Variants in FRMD5 observed in about 807,000 individuals in gnomAD.
FRMD5 encodes FERM domain containing 5.
A neutral mutation model predicts 69.0 loss-of-function variants in FRMD5; 20 were observed. The observed-to-expected ratio is 0.29, with a 90% CI of 0.20 to 0.42. The LOEUF is 0.42. Among genes scored for constraint, FRMD5 ranks in the 10% least tolerant of loss-of-function variants. The probability of loss-of-function intolerance (pLI) is 1.00; values close to 1 mark genes in which losing one functional copy is unlikely to be tolerated. For missense variants in FRMD5, 595 were observed against 708.6 expected, an observed-to-expected ratio of 0.84 and a Z score of 1.82; for synonymous variants, 271 against 260.1, an observed-to-expected ratio of 1.04 and a Z score of -0.40.
intron 1 of FRMD5, among the ~76,000 whole-genome samples, chr15:43,982,268 G>T (rs984986683): frequency 3.9e-5 from 6 of 152,356 alleles, no homozygotes; most frequent in African/African-American, 1.4e-4. Flanking sequence ...ATGGGGTTCT[G>T]GGTTGCCAGG....
intron 1 of FRMD5, among the ~76,000 whole-genome samples, chr15:43,939,098 T>C (rs1014270905): frequency 6.6e-6 from 1 of 151,966 alleles, no homozygotes; most frequent in Non-Finnish European, 1.5e-5. Context: ...CTCGAACCCC[T>C]GACCTCAGGT....
chr15:44,041,640 A>T (rs1175290344), intron 1 of FRMD5, among the ~76,000 whole-genome samples: 1 of 152,198 alleles, frequency 6.6e-6, no homozygotes, highest in African/African-American at 2.4e-5. Context: ...GCAAAATCGC[A>T]CAATTACATG....
intron 1 of FRMD5, among the ~76,000 whole-genome samples, chr15:44,075,478 G>GT (rs778452577): frequency 2.0e-5 from 3 of 151,896 alleles, no homozygotes; most frequent in Non-Finnish European, 4.4e-5. Flanking sequence ...CTTAATTTAA[G>GT]TGAGTCCTGT....
chr15:44,143,464 C>G (rs1343894210), intron 1 of FRMD5, among the ~76,000 whole-genome samples: 1 of 151,916 alleles, frequency 6.6e-6, no homozygotes, highest in Non-Finnish European at 1.5e-5. Context: ...AAAATTTTCA[C>G]TGGCCATGAA....
At chr15:43,881,335 A>C (rs1281507480) in intron 13 of FRMD5, among the ~76,000 whole-genome samples, 2 of 152,184 alleles carry the variant, frequency 1.3e-5, no homozygotes, top group Non-Finnish European at 2.9e-5. Context: ...TGTACACCCC[A>C]AAAGAGGGAC....
chr15:43,947,881 G>T (rs2089971019), intron 1 of FRMD5, among the ~76,000 whole-genome samples: 1 of 152,184 alleles, frequency 6.6e-6, no homozygotes, highest in South Asian at 2.1e-4. Flanking sequence ...GTTAGTAAAA[G>T]CTAACGAGTA....
intron 13 of FRMD5, chr15:43,879,392 A>G (rs1006317812): frequency 7.5e-6 from 3 of 397,430 alleles, no homozygotes; most frequent in Non-Finnish European, 1.3e-5. Context: ...AAAAGCCACC[A>G]CCTGTCCTGC....
intron 1 of FRMD5, among the ~76,000 whole-genome samples, chr15:44,017,613 T>C (rs1207344810): frequency 2.7e-5 from 4 of 145,732 alleles, no homozygotes; most frequent in Non-Finnish European, 6.2e-5. Flanking sequence ...CCCAAATATT[T>C]CTTTTTTTTT....
chr15:43,873,093 A>C lies in FRMD5; in HGVS notation c.*792T>G. 1.1e-5 allele frequency: 15 copies of C among 1,363,350 alleles called. No homozygotes were observed. Among genetic ancestry groups the C allele is most frequent in the Non-Finnish European group, 1.4e-5 (14 of 991,494 alleles). 84.5% of individuals were successfully genotyped at this position (1,363,350 alleles called of 1,614,324 possible). Reference sequence around the variant, plus strand: ...AGTCTTGAGGTTCTTCGGAAAAAAAAAATCACGTTAAGTCTAGTTTCATTA... The same window carrying C: ...AGTCTTGAGGTTCTTCGGAAAAAAACAATCACGTTAAGTCTAGTTTCATTA... On this transcript the variant is annotated 3_prime_UTR_variant, in exon 14 of 14. Transcript: ENST00000417257.
intron 1 of FRMD5, among the ~76,000 whole-genome samples, chr15:44,014,719 A>C (rs959247622): frequency 4.6e-5 from 7 of 152,164 alleles, no homozygotes; most frequent in South Asian, 2.1e-4. Context: ...CCTGGGTGAC[A>C]AGAGCGAGAC....
chr15:43,885,895 C>A, intron 10 of FRMD5, 140 bp from the exon 11 acceptor site: 1 of 688,456 alleles, frequency 1.5e-6, no homozygotes. Flanking sequence ...GTCTCTGACT[C>A]TCATTTAGGA....
intron 1 of FRMD5, among the ~76,000 whole-genome samples, chr15:44,182,933 C>T (rs2078032393): frequency 6.6e-6 from 1 of 151,808 alleles, no homozygotes; most frequent in African/African-American, 2.4e-5. Flanking sequence ...GTAGCTGGGA[C>T]TACAGGCGCC....
At chr15:44,031,201 T>C (rs949606444) in intron 1 of FRMD5, among the ~76,000 whole-genome samples, 3 of 151,998 alleles carry the variant, frequency 2.0e-5, no homozygotes, top group African/African-American at 7.3e-5. Flanking sequence ...GTTGAAGTCC[T>C]TGAAAAGTGC....
chr15:43,893,452 C>A (rs531916704), intron 7 of FRMD5, among the ~76,000 whole-genome samples: 3 of 152,104 alleles, frequency 2.0e-5, no homozygotes, highest in Non-Finnish European at 4.4e-5. Flanking sequence ...AAAGTGAGCT[C>A]CCTGAGGTCT....
At chr15:44,037,031 G>C (rs189647576) in intron 1 of FRMD5, among the ~76,000 whole-genome samples, 162 of 152,142 alleles carry the variant, frequency 1.1e-3, no homozygotes, top group African/African-American at 3.6e-3. Flanking sequence ...TACATGTGCA[G>C]AATGTGCATG....
chr15:44,022,654 GA>G (rs985932493), intron 1 of FRMD5, among the ~76,000 whole-genome samples: 12 of 138,786 alleles, frequency 8.6e-5, no homozygotes, highest in African/African-American at 2.9e-4. Flanking sequence ...AATTTTAAAA[GA>G]AAAAAAGCTC....
chr15:44,113,203 T>A (rs1342442316), intron 1 of FRMD5, among the ~76,000 whole-genome samples: 1 of 152,232 alleles, frequency 6.6e-6, no homozygotes. Context: ...GTGACCCTGC[T>A]TTCCCGGTAG....
chr15:44,095,129 C>G (rs1046879951), intron 1 of FRMD5, among the ~76,000 whole-genome samples: 6 of 151,986 alleles, frequency 3.9e-5, no homozygotes, highest in Non-Finnish European at 8.8e-5. Flanking sequence ...CATCTGAGAC[C>G]TGATCAGAAT....
rs2088626838 is a variant in FRMD5, at chr15:43,884,901, G to A, written c.960-106C>T. ...TTCCCTGAATCAGGAAATGGCATCT[G>A]TGGCCCACCCTTTCCCTGATGTTTT... On this transcript the variant is annotated intron_variant, in intron 11 of 13. Coordinates refer to ENST00000417257, the MANE Select transcript of FRMD5 (RefSeq NM_032892.5). The A allele has an allele frequency of 3.1e-6, 3 of 954,020 alleles. No individual in the cohort carries two copies. The African/African-American group carries it at 4.8e-5, about 15-fold the overall frequency. 59.1% of individuals were successfully genotyped at this position (954,020 alleles called of 1,614,324 possible). A position where few individuals can be genotyped will look rare whatever the true frequency, so the allele number is the denominator to read the frequency against.
Sources: allele counts gnomAD v4.1 joint callset (sites outside exome capture counted in the v4.1 genomes callset), GRCh38; gene constraint gnomAD v4.1.1; transcripts MANE v1.5; gene names NCBI Gene and HGNC (gene_info 2026-07-23, HGNC 2026-07-21).